Variants in ARHGAP39 observed in about 807,000 individuals in gnomAD.
ARHGAP39 encodes the protein rho GTPase-activating protein 39.
ARHGAP39 carries 44 observed loss-of-function variants against 106.9 expected under a neutral mutation model. That is an observed-to-expected ratio of 0.41 (90% confidence interval 0.32 to 0.53). The LOEUF is 0.53. ARHGAP39 is among the 20% of genes least tolerant of loss of function. The pLI, the probability that ARHGAP39 is intolerant of heterozygous loss-of-function variation, is 0.21. For missense variants in ARHGAP39, 1,496 were observed against 1,577.3 expected (o/e 0.95, Z 0.87); for synonymous variants, 768 against 693.2 (o/e 1.11, Z -1.69).
intron 1 of ARHGAP39, among the ~76,000 whole-genome samples, chr8:144,620,127 G>A (rs376189773): frequency 2.9e-4 from 43 of 147,164 alleles, no homozygotes; most frequent in African/African-American, 9.3e-4. Flanking sequence ...GCCCGTGTGC[G>A]TGTGAGCCTG....
At chr8:144,577,721 T>C (rs949971415) in intron 3 of ARHGAP39, among the ~76,000 whole-genome samples, 1 of 152,192 alleles carries the variant, frequency 6.6e-6, no homozygotes, top group Non-Finnish European at 1.5e-5. Flanking sequence ...TATGTTTCCA[T>C]ACACCACAAT....
chr8:144,548,539 G>A lies in ARHGAP39; in HGVS notation c.597-50C>T. Reference sequence around the variant, plus strand: ...GGTGACTGCCTGCCTGCTGCTTCTGGGCACGCCCCACCCCCTCGGGGGCTG... The same window carrying A: ...GGTGACTGCCTGCCTGCTGCTTCTGAGCACGCCCCACCCCCTCGGGGGCTG... On this transcript the variant is annotated intron_variant, in intron 4 of 11. Transcript: ENST00000377307. The surrounding 1 kb of genome is among the most constrained non-coding windows in gnomAD (Gnocchi z 7.4). The A allele has an allele frequency of 6.3e-7, 1 of 1,577,284 alleles. No individual in the cohort carries two copies. The highest frequency in any genetic ancestry group is 8.6e-7 in the Non-Finnish European group (1 of 1,165,230).
intron 1 of ARHGAP39, among the ~76,000 whole-genome samples, chr8:144,682,265 AAAG>A (rs1822443411): frequency 8.7e-6 from 1 of 114,974 alleles, no homozygotes; most frequent in Non-Finnish European, 1.8e-5. Flanking sequence ...AAAAAAAAAA[AAAG>A]GCCGGGCGCG....
At chr8:144,633,436 T>C (rs1821111616) in intron 1 of ARHGAP39, among the ~76,000 whole-genome samples, 1 of 152,040 alleles carries the variant, frequency 6.6e-6, no homozygotes, top group Non-Finnish European at 1.5e-5. Flanking sequence ...TCCAGCCTGG[T>C]GACAGAGTGA....
chr8:144,619,635 AG>A, intron 1 of ARHGAP39, among the ~76,000 whole-genome samples: 1 of 145,896 alleles, frequency 6.9e-6, no homozygotes, highest in Middle Eastern at 4.1e-3. Context: ...TGTGTGTCCA[AG>A]AGCGTGTGTC....
At chr8:144,691,438 T>C in the ARHGAP39 span, among the ~76,000 whole-genome samples, 1 of 152,216 alleles carries the variant, frequency 6.6e-6, no homozygotes. Flanking sequence ...ACCCAAAGAA[T>C]GGACTTAGAG....
chr8:144,580,700 C>A, intron 3 of ARHGAP39, 146 bp downstream of exon 3: 2 of 1,040,916 alleles, frequency 1.9e-6, no homozygotes, highest in Non-Finnish European at 2.7e-6. Flanking sequence ...GCCCACCATA[C>A]CCGACCTACT....
chr8:144,547,721 C>T lies in ARHGAP39; in HGVS notation c.1365G>A (p.Glu455=). ...SGDYSTMEGP[E]LRHSQPPTPL... ...GCGTGGGCGGCTGGCTGTGCCGCAG[C>T]TCAGGTCCCTCCATGGTGCTGTAGT... Residue 455 remains glutamate, a synonymous_variant, in exon 5 of 12, where the codon GAG becomes GAA. Coordinates refer to ENST00000377307, the MANE Select transcript of ARHGAP39 (RefSeq NM_025251.3). The surrounding 1 kb of genome is among the most constrained non-coding windows in gnomAD (Gnocchi z 5.2). 6.3e-7 allele frequency: 1 copy of T among 1,594,292 alleles called. No homozygotes were observed. The highest frequency in any genetic ancestry group is 8.5e-7 in the Non-Finnish European group (1 of 1,176,094).
intron 1 of ARHGAP39, among the ~76,000 whole-genome samples, chr8:144,657,379 G>C (rs1011929526): frequency 6.6e-6 from 1 of 152,186 alleles, no homozygotes; most frequent in African/African-American, 2.4e-5. Flanking sequence ...AGGATAGCTT[G>C]AGCCCAAAAG....
At chr8:144,668,051 A>T (rs543498053) in intron 1 of ARHGAP39, among the ~76,000 whole-genome samples, 211 of 152,128 alleles carry the variant, frequency 1.4e-3, no homozygotes, top group African/African-American at 4.7e-3. Context: ...TTCAGGACTC[A>T]AAAAAGCTAG....
At chr8:144,600,075 G>A (rs1046893769) in intron 2 of ARHGAP39, among the ~76,000 whole-genome samples, 2 of 152,226 alleles carry the variant, frequency 1.3e-5, no homozygotes, top group African/African-American at 4.8e-5. Context: ...ACCTGTGTGC[G>A]TGTGCATGGA....
intron 6 of ARHGAP39, among the ~76,000 whole-genome samples, chr8:144,540,236 A>G (rs1284728844): frequency 2.0e-5 from 3 of 152,212 alleles, no homozygotes; most frequent in African/African-American, 4.8e-5. Flanking sequence ...CATCTCTCCA[A>G]AAAAATTACA....
upstream of ARHGAP39, among the ~76,000 whole-genome samples, chr8:144,690,075 A>C (rs1249124607): frequency 6.7e-6 from 1 of 149,840 alleles, no homozygotes; most frequent in African/African-American, 2.5e-5. Context: ...AAACCACCGA[A>C]CTCTTTTTCA....
At chr8:144,686,991 C>CA, upstream of ARHGAP39, among the ~76,000 whole-genome samples, 1 of 97,678 alleles carries the variant, frequency 1.0e-5, no homozygotes, top group Non-Finnish European at 2.0e-5. Flanking sequence ...CGTGACCACA[C>CA]ACTGGCGGCG....
intron 6 of ARHGAP39, 59 bp from the exon 7 acceptor site, chr8:144,537,872 C>T: frequency 1.3e-6 from 2 of 1,503,588 alleles, no homozygotes; most frequent in Non-Finnish European, 1.8e-6. Flanking sequence ...CCAGCGCCCA[C>T]TCAGCTCCCG....
Position 144,603,622 on chromosome 8 carries a change from G to T in ARHGAP39, c.80+1913C>A, listed in dbSNP as rs1295043213. ...GAAGAAATGCTTCAACCCGGGAGGCGGAGCTTGCATTGAGCTGAGATCACG... is the reference window on the plus strand; with the variant it reads ...GAAGAAATGCTTCAACCCGGGAGGCTGAGCTTGCATTGAGCTGAGATCACG... On this transcript the variant is annotated intron_variant, in intron 2 of 11. Coordinates refer to ENST00000377307, the MANE Select transcript of ARHGAP39 (RefSeq NM_025251.3). Among the ~76,000 whole-genome samples, 15 of 151,372 alleles carry T rather than the reference G, an allele frequency of 9.9e-5. 1 individual carries two copies.
chr8:144,681,420 C>T (rs1395527069), intron 1 of ARHGAP39, among the ~76,000 whole-genome samples: 1 of 152,164 alleles, frequency 6.6e-6, no homozygotes, highest in Non-Finnish European at 1.5e-5. Flanking sequence ...CTTTACAGGA[C>T]ACCTGCAAAG....
At position 144,647,320 on chromosome 8, in the gene ARHGAP39, G is replaced by A. The variant is rs760647263; in HGVS notation, c.-82+38366C>T. ...TGTGGCCCCAGTAAGAGCAGGGAAG[G>A]GACGAACAGCCCATCCTCACATGAA... is the stretch of plus-strand genomic sequence containing the variant. On this transcript the variant is annotated intron_variant, in intron 1 of 11. Transcript: ENST00000377307. This position sits in a 1 kb window ranked among gnomAD's most constrained non-coding sequence, Gnocchi z 4.8. Among the ~76,000 whole-genome samples the A allele has an allele frequency of 1.3e-5, 2 of 152,092 alleles. No individual in the cohort carries two copies. The highest frequency in any genetic ancestry group is 2.9e-5 in the Non-Finnish European group (2 of 68,014).
At chr8:144,540,953 G>C (rs528749707) in intron 6 of ARHGAP39, among the ~76,000 whole-genome samples, 3 of 152,340 alleles carry the variant, frequency 2.0e-5, no homozygotes, top group South Asian at 2.1e-4. Context: ...CTGGGTTCAA[G>C]TGATTCTCCT....
Sources: gnomAD v4.1 joint callset for allele counts (sites outside exome capture counted in the v4.1 genomes callset) on GRCh38, gnomAD v4.1.1 for gene constraint, Gnocchi (gnomAD v3.1) non-coding constraint, MANE v1.5 for transcripts, NCBI Gene and HGNC (gene_info 2026-07-23, HGNC 2026-07-21) for gene names.